Variants in AGAP1 observed in about 807,000 individuals in gnomAD.
The protein encoded by AGAP1 is ArfGAP with GTPase domain, ankyrin repeat and PH domain 1.
AGAP1 carries 29 observed loss-of-function variants against 105.3 expected under a neutral mutation model. The observed-to-expected ratio is 0.28, with a 90% CI of 0.21 to 0.38. The LOEUF is 0.38. AGAP1 is among the 10% of genes least tolerant of loss of function. AGAP1 has a pLI of 1.00. For synonymous variants in AGAP1, 509 were observed against 485.9 expected (o/e 1.05, Z -0.63); for missense variants, 998 against 1,165.1 (o/e 0.86, Z 2.09).
At position 235,750,639 on chromosome 2, in the gene AGAP1, C is replaced by A; in HGVS notation, c.673+151C>A. On this transcript the variant is annotated intron_variant, in intron 6 of 17. Coordinates refer to ENST00000304032, the MANE Select transcript of AGAP1 (RefSeq NM_001037131.3). The surrounding 1 kb of genome is among the most constrained non-coding windows in gnomAD (Gnocchi z 5.3). Reference sequence around the variant, plus strand: ...TATCGAGAGCAGTCCATTCCAGAGGCAATTCTCAGGTATGTTTCATATAAA... The same window carrying A: ...TATCGAGAGCAGTCCATTCCAGAGGAAATTCTCAGGTATGTTTCATATAAA... The A allele has an allele frequency of 1.7e-6, 2 of 1,151,826 alleles. No homozygotes were observed. The highest frequency in any genetic ancestry group is 2.5e-6 in the Non-Finnish European group (2 of 799,720). 71.4% of individuals were successfully genotyped at this position (1,151,826 alleles called of 1,614,324 possible).
Position 236,036,480 on chromosome 2 carries a change from G to A in AGAP1, c.1646-81G>A. ...CCATGCAGGGGCAGCTGAACCCAGA[G>A]GCGCTTCTGTGACAGAGGGCCCGCA... is the stretch of plus-strand genomic sequence containing the variant. On this transcript the variant is annotated intron_variant, in intron 13 of 17. Transcript: ENST00000304032. This position sits in a 1 kb window ranked among gnomAD's most constrained non-coding sequence, Gnocchi z 5.7. The A allele has an allele frequency of 1.9e-6, 3 of 1,553,952 alleles. No individual in the cohort carries two copies. The highest frequency in any genetic ancestry group is 2.6e-6 in the Non-Finnish European group (3 of 1,148,994).
At position 235,930,503 on chromosome 2, in the gene AGAP1, T is replaced by C. The variant is rs2052668428; in HGVS notation, c.1325-262T>C. ...CGGTTGCGGTTGGGTTGCGTCTTTGTATAGGGTTGTTCGGTGCGAGCCATC... is the reference window on the plus strand; with the variant it reads ...CGGTTGCGGTTGGGTTGCGTCTTTGCATAGGGTTGTTCGGTGCGAGCCATC... On this transcript the variant is annotated intron_variant, in intron 11 of 17. Coordinates refer to ENST00000304032, the MANE Select transcript of AGAP1 (RefSeq NM_001037131.3). The surrounding 1 kb of genome is among the most constrained non-coding windows in gnomAD (Gnocchi z 7.9). Among the ~76,000 whole-genome samples the C allele has an allele frequency of 6.6e-6, 1 of 152,176 alleles. No individual in the cohort carries two copies. The highest frequency in any genetic ancestry group is 6.5e-5 in the Admixed American group (1 of 15,286).
At chr2:235,899,706 G>C (rs2124984238) in intron 10 of AGAP1, among the ~76,000 whole-genome samples, 1 of 152,262 alleles carries the variant, frequency 6.6e-6, no homozygotes, top group South Asian at 2.1e-4. Context: ...TACTAGGACA[G>C]CAAAGGAATT....
Position 235,992,793 on chromosome 2 carries a change from G to T in AGAP1, c.1645+24170G>T, listed in dbSNP as rs1481052050. Among the ~76,000 whole-genome samples the T allele has an allele frequency of 1.3e-5, 2 of 152,168 alleles. No individual in the cohort carries two copies. Among genetic ancestry groups the T allele is most frequent in the African/African-American group, 4.8e-5 (2 of 41,436 alleles). On this transcript the variant is annotated intron_variant, in intron 13 of 17. Coordinates refer to ENST00000304032, the MANE Select transcript of AGAP1 (RefSeq NM_001037131.3). This position sits in a 1 kb window ranked among gnomAD's most constrained non-coding sequence, Gnocchi z 4.8. ...TAGCCTCCTGTTAACGTAGCCTCCT[G>T]CTGCTCTTTGGGGTAGACCAGCCGT... is the stretch of plus-strand genomic sequence containing the variant.
rs1052330137 is a variant in AGAP1, at chr2:235,631,768, G to T, written c.164-77411G>T. On this transcript the variant is annotated intron_variant, in intron 1 of 17. Transcript: ENST00000304032. The surrounding 1 kb of genome is among the most constrained non-coding windows in gnomAD (Gnocchi z 5.4). ...CTTGGAGCTGCCTGTGGCAGGTGGC[G>T]GTGCTAATTAAGTTCCGGCTGTTGT... is the stretch of plus-strand genomic sequence containing the variant. Among the ~76,000 whole-genome samples, 1 of 152,228 alleles carries T rather than the reference G, an allele frequency of 6.6e-6. No individual in the cohort carries two copies. Among genetic ancestry groups the T allele is most frequent in the Non-Finnish European group, 1.5e-5 (1 of 68,040 alleles).
At position 235,596,746 on chromosome 2, in the gene AGAP1, A is replaced by T. The variant is rs1427796345; in HGVS notation, c.163+101897A>T. Among the ~76,000 whole-genome samples, 1 of 152,196 alleles carries T rather than the reference A, an allele frequency of 6.6e-6. No individual in the cohort carries two copies. Among genetic ancestry groups the T allele is most frequent in the Non-Finnish European group, 1.5e-5 (1 of 68,034 alleles). Reference sequence around the variant, plus strand: ...CCTCTCTTGTGCCCCAGTCCTAGTGATGAGAAAAGCAATGATGTTTCCCAA... The same window carrying T: ...CCTCTCTTGTGCCCCAGTCCTAGTGTTGAGAAAAGCAATGATGTTTCCCAA... On this transcript the variant is annotated intron_variant, in intron 1 of 17. Transcript: ENST00000304032. This position sits in a 1 kb window ranked among gnomAD's most constrained non-coding sequence, Gnocchi z 5.9.
chr2:235,741,018 C>T lies in AGAP1; in HGVS notation c.366C>T (p.Ile122=). ...VVDGQSYLLL[I]RDEGGPPEAQ... ...ATGGACAGAGCTATCTGCTGCTGAT[C>T]AGAGATGAAGGGGGCCCCCCGGAGG... The change falls in exon 4 of 18, where the codon ATC becomes ATT. Residue 122 remains isoleucine (I), a synonymous_variant. Coordinates refer to ENST00000304032, the MANE Select transcript of AGAP1 (RefSeq NM_001037131.3). This position sits in a 1 kb window ranked among gnomAD's most constrained non-coding sequence, Gnocchi z 4.9. The T allele has an allele frequency of 1.2e-6, 2 of 1,614,138 alleles. No homozygotes were observed. The highest frequency in any genetic ancestry group is 8.5e-7 in the Non-Finnish European group (1 of 1,179,992).
chr2:235,714,618 C>T lies in AGAP1; in HGVS notation c.223-2939C>T, dbSNP rs1294818128. ...GGACCGAGCATAGGTTTTAGAAAGG[C>T]CACTCTGGCTGATGAGTAGAGAGTG... On this transcript the variant is annotated intron_variant, in intron 2 of 17. Coordinates refer to ENST00000304032, the MANE Select transcript of AGAP1 (RefSeq NM_001037131.3). The surrounding 1 kb of genome is among the most constrained non-coding windows in gnomAD (Gnocchi z 4.1). 6.6e-6 allele frequency among the ~76,000 whole-genome samples: 1 copy of T among 151,686 alleles called. No individual in the cohort carries two copies. The highest frequency in any genetic ancestry group is 1.5e-5 in the Non-Finnish European group (1 of 67,962).
At chr2:235,802,803 T>TGAC (rs1424739921) in intron 8 of AGAP1, among the ~76,000 whole-genome samples, 5 of 702 alleles carry the variant, frequency 7.1e-3, no homozygotes, top group African/African-American at 0.03. Flanking sequence ...ATGATGGTTG[T>TGAC]GGTGGTGGTG....
chr2:235,722,624 C>T (rs1951444147), intron 3 of AGAP1, among the ~76,000 whole-genome samples: 1 of 152,180 alleles, frequency 6.6e-6, no homozygotes, highest in African/African-American at 2.4e-5. Flanking sequence ...GGATTTAGGG[C>T]CCATCCTCCT....
At chr2:236,023,555 A>G (rs2056952798) in intron 13 of AGAP1, among the ~76,000 whole-genome samples, 1 of 152,166 alleles carries the variant, frequency 6.6e-6, no homozygotes, top group African/African-American at 2.4e-5. Context: ...GTCCTAAAAC[A>G]GAAGTCCCAA....
intron 11 of AGAP1, among the ~76,000 whole-genome samples, chr2:235,920,884 T>C (rs550931184): frequency 6.6e-6 from 1 of 152,358 alleles, no homozygotes; most frequent in East Asian, 1.9e-4. Flanking sequence ...TACAGAGTGC[T>C]TTACATAATT....
At chr2:236,024,970 G>A (rs559650616) in intron 13 of AGAP1, among the ~76,000 whole-genome samples, 1 of 152,330 alleles carries the variant, frequency 6.6e-6, no homozygotes, top group East Asian at 1.9e-4. Context: ...GCCCTGGAAT[G>A]TCACACTGGG....
intron 13 of AGAP1, among the ~76,000 whole-genome samples, chr2:236,008,298 A>C (rs1183004750): frequency 3.9e-5 from 6 of 152,278 alleles, no homozygotes; most frequent in African/African-American, 9.6e-5. Context: ...GGAGCCATGG[A>C]GCCTCAGTGT....
Position 235,877,567 on chromosome 2 carries a change from G to C in AGAP1, c.1051-5778G>C, listed in dbSNP as rs912674580. The stretch of plus-strand genomic sequence containing the variant: ...TCAGAGTGAGTGATTTACATGTTGC[G>C]TCTCCCTCAGCGCTGTCCCCCTTAG... On this transcript the variant is annotated intron_variant, in intron 9 of 17. Coordinates refer to ENST00000304032, the MANE Select transcript of AGAP1 (RefSeq NM_001037131.3). The surrounding 1 kb of genome is among the most constrained non-coding windows in gnomAD (Gnocchi z 4.3). Among the ~76,000 whole-genome samples, 1 of 152,132 alleles carries C rather than the reference G, an allele frequency of 6.6e-6. No individual in the cohort carries two copies. Among genetic ancestry groups the C allele is most frequent in the Non-Finnish European group, 1.5e-5 (1 of 68,040 alleles).
chr2:235,760,358 G>A (rs1361842940), intron 6 of AGAP1, among the ~76,000 whole-genome samples: 3 of 152,208 alleles, frequency 2.0e-5, no homozygotes, highest in South Asian at 2.1e-4. Context: ...CAGCCTGGGC[G>A]ACAGAGCGAG....
At chr2:235,784,046 A>G (rs1054154495) in intron 6 of AGAP1, among the ~76,000 whole-genome samples, 1 of 152,218 alleles carries the variant, frequency 6.6e-6, no homozygotes. Flanking sequence ...ACATGTTACA[A>G]TTATAAAATG....
chr2:235,933,288 GAA>G (rs2052814029), intron 12 of AGAP1, among the ~76,000 whole-genome samples: 1 of 152,142 alleles, frequency 6.6e-6, no homozygotes, highest in South Asian at 2.1e-4. Flanking sequence ...CAGAGAGGAG[GAA>G]AAGGGAAGAT....
chr2:235,961,077 G>A lies in AGAP1; in HGVS notation c.1484-7385G>A, dbSNP rs1271429995. On this transcript the variant is annotated intron_variant, in intron 12 of 17. Transcript: ENST00000304032. This position sits in a 1 kb window ranked among gnomAD's most constrained non-coding sequence, Gnocchi z 5.9. Reference sequence around the variant, plus strand: ...ATCCTGAATCTGTTTCAGGAAGGATGTGTGCTGGTGAAGAGGATGAGCGAA... The same window carrying A: ...ATCCTGAATCTGTTTCAGGAAGGATATGTGCTGGTGAAGAGGATGAGCGAA... Among the ~76,000 whole-genome samples the A allele has an allele frequency of 6.6e-6, 1 of 152,064 alleles. No individual in the cohort carries two copies. The highest frequency in any genetic ancestry group is 1.5e-5 in the Non-Finnish European group (1 of 67,996).
Sources: gnomAD v4.1 joint callset for allele counts (sites outside exome capture counted in the v4.1 genomes callset) on GRCh38, gnomAD v4.1.1 for gene constraint, Gnocchi (gnomAD v3.1) non-coding constraint, MANE v1.5 for transcripts, NCBI Gene and HGNC (gene_info 2026-07-23, HGNC 2026-07-21) for gene names.